The following TYRO3 variants were observed in gnomAD, a reference collection of about 807,000 sequenced individuals.
The protein encoded by TYRO3 is TYRO3 protein tyrosine kinase.
In TYRO3, 38 loss-of-function variants were observed where a neutral mutation model predicts 95.2. The observed-to-expected ratio is 0.40, with a 90% CI of 0.31 to 0.52. TYRO3 has a LOEUF of 0.52. Among genes scored for constraint, TYRO3 ranks in the 20% least tolerant of loss-of-function variants. The pLI is 0.56. For synonymous variants in TYRO3, 367 were observed against 432.9 expected, an observed-to-expected ratio of 0.85 and a Z score of 1.89; for missense variants, 812 against 1,116.4, an observed-to-expected ratio of 0.73 and a Z score of 3.89.
At position 41,573,390 on chromosome 15, in the gene TYRO3, T is replaced by C. The variant is rs140748026; in HGVS notation, c.2068T>C (p.Cys690Arg). 449 of 1,614,118 alleles carry C rather than the reference T, an allele frequency of 2.8e-4. No homozygotes were observed. The highest frequency in any genetic ancestry group is 3.4e-4 in the Non-Finnish European group (400 of 1,180,042). ...IYSGDYYRQGCASKLPVKWLA... is the reference protein window; with the variant it reads ...IYSGDYYRQGRASKLPVKWLA... The stretch of plus-strand genomic sequence containing the variant: ...CAGTGGGGACTACTATCGTCAAGGC[T>C]GTGCCTCCAAACTGCCTGTCAAGTG... The change falls in exon 17 of 19, where the codon TGT becomes CGT. Residue 690 changes from cysteine to arginine, a missense_variant. Coordinates refer to ENST00000263798, the MANE Select transcript of TYRO3 (RefSeq NM_006293.4).
chr15:41,569,135 C>T lies in TYRO3; in HGVS notation c.1252+113C>T, dbSNP rs887345693. 6 of 1,315,396 alleles carry T rather than the reference C, an allele frequency of 4.6e-6. No homozygotes were observed. In the East Asian group the frequency reaches 1.4e-4, roughly 31 times the overall value. The allele number at this position is 1,315,396 out of a possible 1,614,324, so 81.5% of individuals were successfully genotyped here. A position where few individuals can be genotyped will look rare whatever the true frequency, so the allele number is the denominator to read the frequency against. On this transcript the variant is annotated intron_variant, in intron 9 of 18. Coordinates refer to ENST00000263798, the MANE Select transcript of TYRO3 (RefSeq NM_006293.4). ...TCTCCCCTCCTAGTAGACCCACAGA[C>T]AGAGTGAAGAAGTTGAGGCCAGGGC...
Position 41,578,411 on chromosome 15 carries a change from G to C in TYRO3, c.*135G>C. On this transcript the variant is annotated 3_prime_UTR_variant, in exon 19 of 19. Coordinates refer to ENST00000263798, the MANE Select transcript of TYRO3 (RefSeq NM_006293.4). ...TGGTAGTCCTCCCAAGCTGTGCTGG[G>C]AAGCCCGGACTGACCAAATCACCCA... 7 of 1,211,230 alleles carry C rather than the reference G, an allele frequency of 5.8e-6. No individual in the cohort carries two copies. Among genetic ancestry groups the C allele is most frequent in the Non-Finnish European group, 8.0e-6 (7 of 877,078 alleles). 75.0% of individuals were successfully genotyped at this position (1,211,230 alleles called of 1,614,324 possible).
At chr15:41,570,804 AC>A in intron 12 of TYRO3, 105 bp downstream of exon 12, 1 of 1,141,798 alleles carries the variant, frequency 8.8e-7, no homozygotes, top group South Asian at 1.3e-5. Flanking sequence ...GTTGCCGTAA[AC>A]AAGATATGCT....
At chr15:41,568,460 C>T in intron 8 of TYRO3, 98 bp downstream of exon 8, 2 of 1,284,122 alleles carry the variant, frequency 1.6e-6, no homozygotes, top group Non-Finnish European at 2.1e-6. Flanking sequence ...TTTGGTGGGC[C>T]TGGGTCTCCC....
chr15:41,576,723 A>G (rs1173326739), intron 18 of TYRO3, among the ~76,000 whole-genome samples: 1 of 149,074 alleles, frequency 6.7e-6, no homozygotes, highest in Admixed American at 6.7e-5. Flanking sequence ...GAGTGCAGTA[A>G]TGCAATCACA....
Position 41,571,119 on chromosome 15 carries a change from G to A in TYRO3, c.1660+1G>A. ...AAAGTGGCTGTGAAGATGCTGAAAG[G>A]TGAGTGGGGGATAGCTGTAGCCTGA... On this transcript the variant is annotated splice_donor_variant, in intron 13 of 18. Coordinates refer to ENST00000263798, the MANE Select transcript of TYRO3 (RefSeq NM_006293.4). LOFTEE classifies it high-confidence loss of function. 1 of 1,334,376 alleles carries A rather than the reference G, an allele frequency of 7.5e-7. No individual in the cohort carries two copies. Among genetic ancestry groups the A allele is most frequent in the Non-Finnish European group, 1.1e-6 (1 of 925,242 alleles). The allele number at this position is 1,334,376 out of a possible 1,614,324, so 82.7% of individuals were successfully genotyped here. A position where few individuals can be genotyped will look rare whatever the true frequency, so the allele number is the denominator to read the frequency against.
Position 41,577,934 on chromosome 15 carries a change from G to T in TYRO3, c.2331G>T (p.Pro777=). The part of the protein sequence containing the change: ...QCWSADPKQR[P]SFTCLRMELE... ...GGAGTGCTGACCCCAAGCAGCGCCC[G>T]AGCTTTACTTGTCTGCGAATGGAAC... The change falls in exon 19 of 19, where the codon CCG becomes CCT. Residue 777 remains proline, a synonymous_variant. Coordinates refer to ENST00000263798, the MANE Select transcript of TYRO3 (RefSeq NM_006293.4). 1 of 1,613,262 alleles carries T rather than the reference G, an allele frequency of 6.2e-7. No individual in the cohort carries two copies.
chr15:41,561,777 C>T (rs1029468879), intron 3 of TYRO3, 138 bp downstream of exon 3: 1 of 610,422 alleles, frequency 1.6e-6, no homozygotes, highest in Non-Finnish European at 2.8e-6. Context: ...AGGCTGTAGG[C>T]CCACTCCAGA....
chr15:41,577,861 T>C (rs2055879045), intron 18 of TYRO3, 25 bp from the exon 19 acceptor site: 1 of 1,373,510 alleles, frequency 7.3e-7, no homozygotes, highest in Admixed American at 2.1e-5. Flanking sequence ...GCTCCTGCCT[T>C]TTCTCACGCT....
At chr15:41,563,087 C>T (rs528709003) in intron 4 of TYRO3, among the ~76,000 whole-genome samples, 3 of 152,182 alleles carry the variant, frequency 2.0e-5, no homozygotes, top group African/African-American at 7.2e-5. Flanking sequence ...GGAGGAGTAT[C>T]TGGCAGACAC....
chr15:41,578,425 C>G lies in TYRO3; in HGVS notation c.*149C>G. The G allele has an allele frequency of 9.9e-7, 1 of 1,008,992 alleles. No individual in the cohort carries two copies. Among genetic ancestry groups the G allele is most frequent in the Non-Finnish European group, 1.4e-6 (1 of 707,286 alleles). The allele number at this position is 1,008,992 out of a possible 1,614,324, so 62.5% of individuals were successfully genotyped here. A position where few individuals can be genotyped will look rare whatever the true frequency, so the allele number is the denominator to read the frequency against. On this transcript the variant is annotated 3_prime_UTR_variant, in exon 19 of 19. Transcript: ENST00000263798. ...AGCTGTGCTGGGAAGCCCGGACTGA[C>G]CAAATCACCCAATCCCAGTTCTTCC...
chr15:41,574,925 G>C (rs2055842594), intron 18 of TYRO3, among the ~76,000 whole-genome samples: 1 of 152,144 alleles, frequency 6.6e-6, no homozygotes, highest in African/African-American at 2.4e-5. Flanking sequence ...CGCCATATTT[G>C]TCAAGCTGGT....
chr15:41,573,064 G>C lies in TYRO3; in HGVS notation c.1938G>C (p.Leu646=), dbSNP rs752702539. The C allele has an allele frequency of 4.2e-5, 67 of 1,613,782 alleles. No homozygotes were observed. Among genetic ancestry groups the C allele is most frequent in the Non-Finnish European group, 5.4e-5 (64 of 1,179,994 alleles). The change falls in exon 16 of 19, where the codon CTG becomes CTC. Residue 646 remains leucine, a synonymous_variant. Coordinates refer to ENST00000263798, the MANE Select transcript of TYRO3 (RefSeq NM_006293.4). ...ACATTGCCTGCGGCATGGAGTACCT[G>C]AGCTCTCGGAACTTCATCCACCGAG... ...MVDIACGMEY[L]SSRNFIHRDL... is the part of the protein sequence containing the mutation.
Position 41,564,310 on chromosome 15 carries a change from G to C in TYRO3, c.667+40G>C, listed in dbSNP as rs781695888. On this transcript the variant is annotated intron_variant, in intron 5 of 18. Transcript: ENST00000263798. ...AGGGAGGAAGGGTGGATGAGGCCAG[G>C]GGCATTCCCAGCGAGCTGTCCAGCA... 8 of 1,583,704 alleles carry C rather than the reference G, an allele frequency of 5.1e-6. No homozygotes were observed. In the South Asian group the frequency reaches 8.9e-5, roughly 18 times the overall value.
At chr15:41,562,295 C>A in intron 3 of TYRO3, 1 of 306,352 alleles carries the variant, frequency 3.3e-6, no homozygotes, top group Non-Finnish European at 5.6e-6. Flanking sequence ...CCAGGCCAGC[C>A]TGGGCAACAT....
rs1458405894 is a variant in TYRO3 at position 41,573,008 on chromosome 15, C to T, written c.1882C>T (p.Pro628Ser). ...TGGCCTGTCTGTCCACTAGAACCTA[C>T]CCCTCCAGACCCTGATCCGGTTCAT... ...SRIGENPFNL[P>S]LQTLIRFMVD... The change falls in exon 16 of 19, where the codon CCC becomes TCC. Residue 628 changes from proline to serine, a missense_variant. Transcript: ENST00000263798. The T allele has an allele frequency of 2.5e-6, 4 of 1,613,806 alleles. No individual in the cohort carries two copies. Among genetic ancestry groups the T allele is most frequent in the Non-Finnish European group, 3.4e-6 (4 of 1,179,858 alleles).
At chr15:41,568,801 C>G in intron 8 of TYRO3, 77 bp from the exon 9 acceptor site, 1 of 1,535,722 alleles carries the variant, frequency 6.5e-7, no homozygotes, top group Admixed American at 2.0e-5. Flanking sequence ...CCAGCTGGAC[C>G]TTTTTCTGTC....
chr15:41,564,307 C>T (rs2055693036), intron 5 of TYRO3, 37 bp downstream of exon 5: 1 of 1,584,594 alleles, frequency 6.3e-7, no homozygotes, highest in Non-Finnish European at 8.7e-7. Context: ...TGGATGAGGC[C>T]AGGGGCATTC....
chr15:41,576,097 T>TC (rs1486692034), intron 18 of TYRO3, among the ~76,000 whole-genome samples: 1 of 47,060 alleles, frequency 2.1e-5, no homozygotes, highest in African/African-American at 8.5e-5. Flanking sequence ...AGAGCAAAAC[T>TC]CCATCTCAAA....
Sources: gnomAD v4.1 joint callset for allele counts (sites outside exome capture counted in the v4.1 genomes callset) on GRCh38, gnomAD v4.1.1 for gene constraint, MANE v1.5 for transcripts, NCBI Gene and HGNC (gene_info 2026-07-23, HGNC 2026-07-21) for gene names.